DOCK1: variants seen among roughly 807,000 people sequenced by gnomAD.
DOCK1 encodes dedicator of cytokinesis protein 1.
DOCK1 carries 138 observed loss-of-function variants against 262.7 expected under a neutral mutation model. The ratio of observed to expected loss-of-function variants is 0.53; its 90% CI spans 0.46 to 0.61. The LOEUF (loss-of-function observed/expected upper bound fraction) is 0.61. Ranked by LOEUF, DOCK1 falls within the 20% of genes least tolerant of loss-of-function variation. The pLI, the probability that DOCK1 is intolerant of heterozygous loss-of-function variation, is 0.00. For missense variants in DOCK1, 1,908 were observed against 2,370.7 expected (o/e 0.80, Z 4.05); for synonymous variants, 866 against 867.4 (o/e 1.00, Z 0.03).
At chr10:126,983,632 C>G (rs567281317) in intron 4 of DOCK1, among the ~76,000 whole-genome samples, 1 of 152,198 alleles carries the variant, frequency 6.6e-6, no homozygotes, top group South Asian at 2.1e-4. Context: ...CTTGCAGGCT[C>G]TGTCTTTCTT....
intron 28 of DOCK1, among the ~76,000 whole-genome samples, chr10:127,251,569 C>G (rs927658446): frequency 4.8e-5 from 6 of 124,092 alleles, no homozygotes; most frequent in African/African-American, 1.8e-4. Flanking sequence ...GTGTGATGTT[C>G]CCCTTCCTGT....
At chr10:127,050,385 T>A (rs1056609224) in intron 21 of DOCK1, among the ~76,000 whole-genome samples, 1 of 148,348 alleles carries the variant, frequency 6.7e-6, no homozygotes, top group Non-Finnish European at 1.5e-5. Flanking sequence ...CCAATAGATA[T>A]TATAATACAT....
chr10:126,918,477 C>T (rs796075005), intron 1 of DOCK1, among the ~76,000 whole-genome samples: 1 of 152,358 alleles, frequency 6.6e-6, no homozygotes, highest in African/African-American at 2.4e-5. Context: ...CACAGTTTCT[C>T]AGTCCCTGCA....
chr10:127,177,321 A>T (rs982517273), intron 27 of DOCK1, among the ~76,000 whole-genome samples: 2 of 152,228 alleles, frequency 1.3e-5, no homozygotes, highest in Admixed American at 6.5e-5. Flanking sequence ...AAATGCAGCT[A>T]AAAAGATGCA....
intron 23 of DOCK1, among the ~76,000 whole-genome samples, chr10:127,095,627 AC>A (rs1284632609): frequency 6.6e-6 from 1 of 151,632 alleles, no homozygotes; most frequent in African/African-American, 2.4e-5. Context: ...TGTGCCAGGC[AC>A]CCATCTGTGA....
At chr10:127,019,538 C>T (rs201638645) in intron 13 of DOCK1, among the ~76,000 whole-genome samples, 10 of 151,562 alleles carry the variant, frequency 6.6e-5, no homozygotes, top group Non-Finnish European at 1.5e-4. Flanking sequence ...CACTTGAACT[C>T]GGGTTCGAGA....
chr10:127,006,536 C>T (rs764183508), intron 10 of DOCK1, among the ~76,000 whole-genome samples: 32 of 152,222 alleles, frequency 2.1e-4, no homozygotes, highest in Admixed American at 3.9e-4. Flanking sequence ...CTTGTCCAAA[C>T]TGCAGGGAGC....
Position 127,428,829 on chromosome 10 carries a change from C to T in DOCK1, c.4914+2818C>T, listed in dbSNP as rs571588546. ...TGGGGTGCCGTGTGGATTGGGGTAC[C>T]GTGTGGATTGTGCCGTGTGGATTGG... is the stretch of plus-strand genomic sequence containing the variant. On this transcript the variant is annotated intron_variant, in intron 47 of 51. Transcript: ENST00000623213. 1.3e-3 allele frequency among the ~76,000 whole-genome samples: 138 copies of T among 108,588 alleles called. 2 individuals are homozygous for T. The highest frequency in any genetic ancestry group is 4.2e-3 in the African/African-American group (114 of 27,136). The allele number at this position is 108,588 out of a possible 152,430, so 71.2% of individuals were successfully genotyped here.
chr10:127,190,504 C>T (rs2056640838), intron 27 of DOCK1, among the ~76,000 whole-genome samples: 1 of 147,778 alleles, frequency 6.8e-6, no homozygotes, highest in Non-Finnish European at 1.5e-5. Flanking sequence ...TATGCTTAGT[C>T]ATTTAAGGAT....
intron 25 of DOCK1, among the ~76,000 whole-genome samples, chr10:127,124,870 G>A (rs528794577): frequency 6.6e-6 from 1 of 152,194 alleles, no homozygotes; most frequent in African/African-American, 2.4e-5. Flanking sequence ...TTTTAATGTT[G>A]CAAATTAGTG....
chr10:126,948,571 G>T lies in DOCK1; in HGVS notation c.47-22131G>T, dbSNP rs904739915. Among the ~76,000 whole-genome samples, 210 of 152,006 alleles carry T rather than the reference G, an allele frequency of 1.4e-3. 1 individual carries two copies. Among genetic ancestry groups the T allele is most frequent in the Admixed American group, 2.5e-3 (38 of 15,234 alleles). ...TTTACGTGGGGTGGGGTCGGGATAGGCACCCTGAAACAGGGCCCTCAAAAT... is the reference window on the plus strand; with the variant it reads ...TTTACGTGGGGTGGGGTCGGGATAGTCACCCTGAAACAGGGCCCTCAAAAT... On this transcript the variant is annotated intron_variant, in intron 1 of 51. Coordinates refer to ENST00000623213, the MANE Select transcript of DOCK1 (RefSeq NM_001290223.2).
rs368580419 is a variant in DOCK1 at position 127,381,396 on chromosome 10, G to T, written c.3807+28G>T. 29 of 1,579,424 alleles carry T rather than the reference G, an allele frequency of 1.8e-5. No homozygotes were observed. In the African/African-American group the frequency reaches 3.8e-4, roughly 21 times the overall value. On this transcript the variant is annotated intron_variant, in intron 37 of 51. Transcript: ENST00000623213. ...AATGTCAATTACCAGTCACCTTGAT[G>T]ATTCTATTGTTATAAATTCTAACAA...
intron 27 of DOCK1, among the ~76,000 whole-genome samples, chr10:127,184,975 AGG>A (rs1346689696): frequency 6.6e-6 from 1 of 152,200 alleles, no homozygotes; most frequent in East Asian, 1.9e-4. Context: ...CTAGTCCAGC[AGG>A]AGAGAGACAC....
In DOCK1 at chr10:127,052,840, C is replaced by T. The variant is rs141312884; in HGVS notation, c.2336+25C>T. On this transcript the variant is annotated intron_variant, in intron 22 of 51. Transcript: ENST00000623213. ...AGTGCGTACCTATCCCCTCCATGCC[C>T]GGGCTCTCAGAGGACTGGCAGGAGA... 7,078 of 1,593,566 alleles carry T rather than the reference C, an allele frequency of 4.4e-3. 416 individuals carry two copies. In the Admixed American group the frequency reaches 0.11, roughly 24 times the overall value.
In DOCK1 at chr10:127,436,593, A is replaced by G. The variant is rs144995487; in HGVS notation, c.5061-2434A>G. Among the ~76,000 whole-genome samples, 544 of 151,644 alleles carry G rather than the reference A, an allele frequency of 3.6e-3. 2 individuals are homozygous for G. The highest frequency in any genetic ancestry group is 6.8e-3 in the Middle Eastern group (2 of 294). ...ATGAGGCCCCCATGCCCCATCATGC[A>G]GTCTTGACAATTATCAGCTTTTAAC... On this transcript the variant is annotated intron_variant, in intron 48 of 51. Coordinates refer to ENST00000623213, the MANE Select transcript of DOCK1 (RefSeq NM_001290223.2).
chr10:126,996,645 C>A, intron 6 of DOCK1, 103 bp from the exon 7 acceptor site: 1 of 1,198,766 alleles, frequency 8.3e-7, no homozygotes, highest in Non-Finnish European at 1.1e-6. Context: ...GCCCGAGTTT[C>A]TAGGTTGTTT....
At chr10:127,008,663 T>G in intron 10 of DOCK1, 69 bp from the exon 11 acceptor site, 1 of 1,311,326 alleles carries the variant, frequency 7.6e-7, no homozygotes, top group South Asian at 1.3e-5. Flanking sequence ...CTGATGTTCC[T>G]TTGTTTGTTT....
intron 27 of DOCK1, among the ~76,000 whole-genome samples, chr10:127,173,219 G>T (rs758418679): frequency 1.3e-4 from 20 of 150,374 alleles, no homozygotes; most frequent in Non-Finnish European, 7.4e-5. Context: ...CACATTAGAA[G>T]GTCACCCCAT....
intron 4 of DOCK1, 144 bp downstream of exon 4, chr10:126,982,117 G>C: frequency 1.2e-6 from 1 of 837,664 alleles, no homozygotes; most frequent in South Asian, 1.6e-5. Context: ...GGGAGAGAAA[G>C]GGGACTTGTG....
Sources: allele counts gnomAD v4.1 joint callset (sites outside exome capture counted in the v4.1 genomes callset), GRCh38; gene constraint gnomAD v4.1.1; transcripts MANE v1.5; gene names NCBI Gene and HGNC (gene_info 2026-07-23, HGNC 2026-07-21).